The following NKX2-2 variants were observed in gnomAD, a reference collection of about 807,000 sequenced individuals.
NKX2-2 encodes homeobox protein Nkx-2.2.
In NKX2-2, 8 loss-of-function variants were observed where a neutral mutation model predicts 24.6. The observed-to-expected ratio is 0.32, with a 90% confidence interval of 0.19 to 0.59. The LOEUF (loss-of-function observed/expected upper bound fraction) is 0.59, where lower values mean the gene tolerates loss of function less well. Ranked by LOEUF, NKX2-2 falls within the 20% of genes least tolerant of loss-of-function variation. NKX2-2 has a pLI of 0.86. For missense variants in NKX2-2, 381 were observed against 373.9 expected (o/e 1.02, Z -0.16); for synonymous variants, 217 against 173.3 (o/e 1.25, Z -1.98).
rs1980424957 is a variant in NKX2-2, at chr20:21,511,449, A to ATTT, written c.*473_*474insAAA. 6.5e-6 allele frequency: 1 copy of ATTT among 152,952 alleles called. No homozygotes were observed. The highest frequency in any genetic ancestry group is 2.4e-5 in the African/African-American group (1 of 41,400). The allele number at this position is 152,952 out of a possible 1,614,324, so 9.5% of individuals were successfully genotyped here. ...TTTAGCATTTTCTTATTTTTTTTTAAAAAAAGGAAGAAATTCTCTGTATTT... is the reference window on the plus strand; with the variant it reads ...TTTAGCATTTTCTTATTTTTTTTTAATTTAAAAAGGAAGAAATTCTCTGTATTT... On this transcript the variant is annotated 3_prime_UTR_variant, in exon 2 of 2. Transcript: ENST00000377142.
upstream of NKX2-2, among the ~76,000 whole-genome samples, chr20:21,517,830 C>A (rs912559954): frequency 6.6e-6 from 1 of 152,166 alleles, no homozygotes; most frequent in Non-Finnish European, 1.5e-5. Flanking sequence ...CCTTCTAGAG[C>A]CCAGGAGCTT....
In NKX2-2 at chr20:21,511,974, G is replaced by T. The variant is rs749836313; in HGVS notation, c.771C>A (p.Pro257=). The T allele has an allele frequency of 2.5e-6, 4 of 1,611,036 alleles. No individual in the cohort carries two copies. The highest frequency in any genetic ancestry group is 1.7e-4 in the Middle Eastern group (1 of 6,026). The change falls in exon 2 of 2, where the codon CCC becomes CCA. Residue 257 remains proline, a synonymous_variant. Coordinates refer to ENST00000377142, the MANE Select transcript of NKX2-2 (RefSeq NM_002509.4). Reference sequence around the variant, plus strand: ...CCAGGGGGTGTGCTGTCGGGTACTGGGGGGTGCTGGCCGAGCTGTACTGGG... The same window carrying T: ...CCAGGGGGTGTGCTGTCGGGTACTGTGGGGTGCTGGCCGAGCTGTACTGGG... ...YNAQYSSAST[P]QYPTAHPLVQ...
Position 21,511,947 on chromosome 20 carries a change from G to C in NKX2-2, c.798C>G (p.Val266=), listed in dbSNP as rs1282147109. 1.2e-6 allele frequency: 2 copies of C among 1,600,224 alleles called. No homozygotes were observed. Among genetic ancestry groups the C allele is most frequent in the Non-Finnish European group, 1.7e-6 (2 of 1,174,280 alleles). The part of the protein sequence containing the change: ...TPQYPTAHPL[V]QAQQWTW ...CTCACCAAGTCCACTGCTGGGCCTG[G>C]ACCAGGGGGTGTGCTGTCGGGTACT... The change falls in exon 2 of 2, where the codon GTC becomes GTG. Residue 266 remains valine (V), a synonymous_variant. Transcript: ENST00000377142.
upstream of NKX2-2, among the ~76,000 whole-genome samples, chr20:21,518,054 G>C (rs1383611536): frequency 2.0e-5 from 3 of 152,220 alleles, no homozygotes; most frequent in African/African-American, 7.2e-5. Context: ...CCTCCGTTCC[G>C]TCAAGTTTGG....
At chr20:21,515,704 C>T (rs1399103332), upstream of NKX2-2, among the ~76,000 whole-genome samples, 1 of 152,114 alleles carries the variant, frequency 6.6e-6, no homozygotes, top group Non-Finnish European at 1.5e-5. Flanking sequence ...AGAAGGCCAC[C>T]CCTGCGGGGT....
Position 21,513,685 on chromosome 20 carries a change from A to C in NKX2-2, c.-16T>G, listed in dbSNP as rs768866498. 2 of 1,463,590 alleles carry C rather than the reference A, an allele frequency of 1.4e-6. No homozygotes were observed. Among genetic ancestry groups the C allele is most frequent in the African/African-American group, 1.5e-5 (1 of 67,700 alleles). 90.7% of individuals were successfully genotyped at this position (1,463,590 alleles called of 1,614,324 possible). A position where few individuals can be genotyped will look rare whatever the true frequency, so the allele number is the denominator to read the frequency against. Reference sequence around the variant, plus strand: ...TCAGCGACATGGTTCGAGACCCCAAAATTTATGTCGCAAAGTTGTAGCTTC... The same window carrying C: ...TCAGCGACATGGTTCGAGACCCCAACATTTATGTCGCAAAGTTGTAGCTTC... On this transcript the variant is annotated 5_prime_UTR_variant, in exon 1 of 2. The change creates a new upstream start codon in the 5' untranslated region. Transcript: ENST00000377142. This position sits in a 1 kb window ranked among gnomAD's most constrained non-coding sequence, Gnocchi z 4.6.
upstream of NKX2-2, among the ~76,000 whole-genome samples, chr20:21,515,486 A>G (rs1399375292): frequency 6.7e-6 from 1 of 150,222 alleles, no homozygotes; most frequent in Non-Finnish European, 1.5e-5. Flanking sequence ...GTTTCCAGCC[A>G]CTCTCGGCTC....
At chr20:21,518,497 G>A (rs1980695615), upstream of NKX2-2, among the ~76,000 whole-genome samples, 1 of 152,238 alleles carries the variant, frequency 6.6e-6, no homozygotes, top group South Asian at 2.1e-4. Flanking sequence ...GGTTCAGGCG[G>A]CTGGAGCGGG....
chr20:21,515,929 T>A (rs887668561), upstream of NKX2-2, among the ~76,000 whole-genome samples: 55 of 152,260 alleles, frequency 3.6e-4, no homozygotes, highest in African/African-American at 1.3e-3. Flanking sequence ...TGGGTGACAA[T>A]GGCCCAGGTT....
upstream of NKX2-2, among the ~76,000 whole-genome samples, chr20:21,515,127 C>A (rs939138962): frequency 6.6e-6 from 1 of 152,124 alleles, no homozygotes; most frequent in South Asian, 2.1e-4. Flanking sequence ...CTGGGCTCTG[C>A]GGGCCTCTTT....
chr20:21,513,322 C>G lies in NKX2-2; in HGVS notation c.259+89G>C, dbSNP rs1205132644. 7.1e-7 allele frequency: 1 copy of G among 1,401,908 alleles called. No individual in the cohort carries two copies. The highest frequency in any genetic ancestry group is 9.5e-7 in the Non-Finnish European group (1 of 1,052,810). The allele number at this position is 1,401,908 out of a possible 1,614,324, so 86.8% of individuals were successfully genotyped here. ...GAGGGGGTCCGGGCTTACATGGCCC[C>G]TTCCCCTTTCACTCCCAGCGTCCAA... On this transcript the variant is annotated intron_variant, in intron 1 of 1. Coordinates refer to ENST00000377142, the MANE Select transcript of NKX2-2 (RefSeq NM_002509.4). The surrounding 1 kb of genome is among the most constrained non-coding windows in gnomAD (Gnocchi z 4.6).
At chr20:21,521,205 C>G in the NKX2-2 span, among the ~76,000 whole-genome samples, 1 of 152,072 alleles carries the variant, frequency 6.6e-6, no homozygotes, top group Non-Finnish European at 1.5e-5. Flanking sequence ...TCACAACCTT[C>G]CCCTAGACGC....
rs1980518900 is a variant in NKX2-2 at position 21,513,523 on chromosome 20, C to A, written c.147G>T (p.Gly49=). 1.2e-6 allele frequency: 2 copies of A among 1,612,806 alleles called. No individual in the cohort carries two copies. Among genetic ancestry groups the A allele is most frequent in the Non-Finnish European group, 8.5e-7 (1 of 1,179,534 alleles). ...TCTGCACCGCGTCCAGGGCGCCCTG[C>A]CCCAGCGGCCCGGCCCTCTTGGCTG... ...PEPAKRAGPL[G]QGALDAVQSL... Residue 49 remains glycine, a synonymous_variant, in exon 1 of 2, where the codon GGG becomes GGT. Transcript: ENST00000377142. This position sits in a 1 kb window ranked among gnomAD's most constrained non-coding sequence, Gnocchi z 4.6.
In NKX2-2 at chr20:21,511,880, G is replaced by T. The variant is rs774400148; in HGVS notation, c.*43C>A. On this transcript the variant is annotated 3_prime_UTR_variant, in exon 2 of 2. Transcript: ENST00000377142. ...CCTCCTCGCCGCCACCGCCGCCGGG[G>T]TGGGGCCTGGGCCTGGGGCCGCGAG... 5.4e-6 allele frequency: 8 copies of T among 1,493,022 alleles called. No individual in the cohort carries two copies. Among genetic ancestry groups the T allele is most frequent in the Non-Finnish European group, 7.2e-6 (8 of 1,117,714 alleles). The allele number at this position is 1,493,022 out of a possible 1,614,324, so 92.5% of individuals were successfully genotyped here. A position where few individuals can be genotyped will look rare whatever the true frequency, so the allele number is the denominator to read the frequency against.
At chr20:21,517,790 A>G (rs1411831994), upstream of NKX2-2, among the ~76,000 whole-genome samples, 1 of 152,204 alleles carries the variant, frequency 6.6e-6, no homozygotes, top group Non-Finnish European at 1.5e-5. Flanking sequence ...GGACTCCCCA[A>G]GAGGCCTCCC....
chr20:21,513,882 T>A lies in NKX2-2; in HGVS notation c.-213A>T. On this transcript the variant is annotated 5_prime_UTR_variant, in exon 1 of 2. Transcript: ENST00000377142. This position sits in a 1 kb window ranked among gnomAD's most constrained non-coding sequence, Gnocchi z 4.6. The stretch of plus-strand genomic sequence containing the variant: ...AGGAAAAAAATGAAGCCCAACCCAG[T>A]GCCTCTCTCTGTCTTCTTTGAAAGC... The A allele has an allele frequency of 2.5e-6, 1 of 401,278 alleles. No individual in the cohort carries two copies. The highest frequency in any genetic ancestry group is 4.4e-6 in the Non-Finnish European group (1 of 229,466). The allele number at this position is 401,278 out of a possible 1,614,324, so 24.9% of individuals were successfully genotyped here. A position where few individuals can be genotyped will look rare whatever the true frequency, so the allele number is the denominator to read the frequency against.
At chr20:21,514,681 G>A (rs1378230301), upstream of NKX2-2, among the ~76,000 whole-genome samples, 1 of 152,218 alleles carries the variant, frequency 6.6e-6, no homozygotes, top group Non-Finnish European at 1.5e-5. Flanking sequence ...GCCGAGCTGC[G>A]GAAATCTCTC....
At chr20:21,521,182 G>A in the NKX2-2 span, among the ~76,000 whole-genome samples, 1 of 152,074 alleles carries the variant, frequency 6.6e-6, no homozygotes, top group South Asian at 2.1e-4. Context: ...TCTCCAATGT[G>A]AGCCCCAGAG....
At chr20:21,515,734 A>C (rs558588132), upstream of NKX2-2, among the ~76,000 whole-genome samples, 13 of 152,162 alleles carry the variant, frequency 8.5e-5, no homozygotes, top group South Asian at 2.7e-3. Flanking sequence ...GTCTTCCCAC[A>C]ACCTGGGCTC....
Sources: allele counts gnomAD v4.1 joint callset (sites outside exome capture counted in the v4.1 genomes callset), GRCh38; gene constraint gnomAD v4.1.1; non-coding constraint Gnocchi (gnomAD v3.1); transcripts MANE v1.5; gene names NCBI Gene and HGNC (gene_info 2026-07-23, HGNC 2026-07-21).